Variants in OTUD6B observed in about 807,000 individuals in gnomAD.
The protein encoded by OTUD6B is OTU deubiquitinase 6B.
A neutral mutation model predicts 36.9 loss-of-function variants in OTUD6B; 41 were observed. The ratio of observed to expected loss-of-function variants is 1.11; its 90% CI spans 0.87 to 1.44. The LOEUF (loss-of-function observed/expected upper bound fraction) is 1.44, where lower values mean the gene tolerates loss of function less well. Ranked by LOEUF, OTUD6B falls within the 40% of genes most tolerant of loss-of-function variation. The pLI, the probability that OTUD6B is intolerant of heterozygous loss-of-function variation, is 0.00. For missense variants in OTUD6B, 356 were observed against 344.8 expected, an observed-to-expected ratio of 1.03 and a Z score of -0.26; for synonymous variants, 114 against 114.2, an observed-to-expected ratio of 1.00 and a Z score of 0.01.
intron 3 of OTUD6B, among the ~76,000 whole-genome samples, chr8:91,076,007 T>A (rs1472671994): frequency 6.6e-6 from 1 of 151,952 alleles, no homozygotes; most frequent in East Asian, 1.9e-4. Flanking sequence ...AGAGAAAGAG[T>A]CTAAAATAGA....
intron 5 of OTUD6B, among the ~76,000 whole-genome samples, chr8:91,083,183 CTT>C (rs1345179829): frequency 6.6e-6 from 1 of 152,016 alleles, no homozygotes; most frequent in Non-Finnish European, 1.5e-5. Flanking sequence ...ATATTCTACT[CTT>C]TGAAAATTAT....
intron 5 of OTUD6B, 132 bp from the exon 6 acceptor site, chr8:91,083,876 A>G (rs2130446391): frequency 1.1e-6 from 1 of 946,764 alleles, no homozygotes; most frequent in Non-Finnish European, 1.5e-6. Flanking sequence ...TTAAGTGCCC[A>G]GTATATACCA....
chr8:91,072,020 A>G (rs1490909379), intron 2 of OTUD6B, among the ~76,000 whole-genome samples: 1 of 152,200 alleles, frequency 6.6e-6, no homozygotes, highest in Non-Finnish European at 1.5e-5. Flanking sequence ...ACGTGAAGTC[A>G]TTTTTGTTAT....
Position 91,073,917 on chromosome 8 carries a change from A to C in OTUD6B, c.315+6A>C. 1 of 1,576,804 alleles carries C rather than the reference A, an allele frequency of 6.3e-7. No individual in the cohort carries two copies. Among genetic ancestry groups the C allele is most frequent in the South Asian group, 1.2e-5 (1 of 86,272 alleles). ...CAAAAGCACAAAAGAGACGGGTATG[A>C]AAGTCATGTCACCAAGTATATAAGT... On this transcript the variant is annotated splice_donor_region_variant and intron_variant, in intron 3 of 6. Transcript: ENST00000404789.
chr8:91,076,488 C>G lies in OTUD6B; in HGVS notation c.316-1868C>G. On this transcript the variant is annotated intron_variant, in intron 3 of 6. Transcript: ENST00000404789. ...ATGATTAGAATTAGTATTTTAGAGG[C>G]TTAAACAGTTTTGCAGATAAGATAA... is the stretch of plus-strand genomic sequence containing the variant. The G allele has an allele frequency of 2.7e-6, 4 of 1,503,946 alleles. No individual in the cohort carries two copies. The South Asian group carries it at 3.6e-5, about 14-fold the overall frequency. 93.2% of individuals were successfully genotyped at this position (1,503,946 alleles called of 1,614,324 possible).
intron 2 of OTUD6B, among the ~76,000 whole-genome samples, chr8:91,071,538 C>G (rs1441725084): frequency 6.6e-6 from 1 of 152,104 alleles, no homozygotes; most frequent in African/African-American, 2.4e-5. Flanking sequence ...TTAGTAGAGA[C>G]AGGGTTTCAC....
chr8:91,082,011 T>G (rs183156659), intron 5 of OTUD6B, among the ~76,000 whole-genome samples: 1 of 152,180 alleles, frequency 6.6e-6, no homozygotes, highest in East Asian at 1.9e-4. Context: ...GGGACACTTA[T>G]ACATTTTTTT....
intron 5 of OTUD6B, among the ~76,000 whole-genome samples, chr8:91,082,039 GAAGT>G (rs1812917418): frequency 6.6e-6 from 1 of 152,072 alleles, no homozygotes; most frequent in African/African-American, 2.4e-5. Context: ...GAATTCATTT[GAAGT>G]AAGAGTTGCA....
chr8:91,071,399 G>A, intron 2 of OTUD6B, 110 bp downstream of exon 2: 1 of 857,740 alleles, frequency 1.2e-6, no homozygotes, highest in Middle Eastern at 3.5e-4. Context: ...GTCTCGCTTT[G>A]CAAAACACGC....
At chr8:91,078,743 T>G in intron 4 of OTUD6B, 75 bp downstream of exon 4, 1 of 989,648 alleles carries the variant, frequency 1.0e-6, no homozygotes, top group Non-Finnish European at 1.5e-6. Flanking sequence ...TTCCCAGCAC[T>G]GAGCGTAAGA....
intron 3 of OTUD6B, chr8:91,076,605 A>G: frequency 1.3e-6 from 2 of 1,531,690 alleles, no homozygotes; most frequent in Middle Eastern, 1.7e-4. Context: ...CCTGGATAGA[A>G]GGAGCTCTCT....
chr8:91,070,611 C>T (rs1812669506), intron 1 of OTUD6B, 145 bp downstream of exon 1: 1 of 746,842 alleles, frequency 1.3e-6, no homozygotes, highest in African/African-American at 1.8e-5. Context: ...TCTCTCTTCA[C>T]CTACCCCGGC....
rs1172956710 is a variant in OTUD6B at position 91,076,655 on chromosome 8, T to C, written c.316-1701T>C. On this transcript the variant is annotated intron_variant, in intron 3 of 6. Transcript: ENST00000404789. ...CCCTGCTCTGCTCTTACCAGCTGTA[T>C]GGCCTTTGGAAATCTTTCTGCGTGC... is the stretch of plus-strand genomic sequence containing the variant. The C allele has an allele frequency of 7.3e-6, 11 of 1,508,680 alleles. No homozygotes were observed. In the Admixed American group the frequency reaches 1.8e-4, roughly 24 times the overall value. The allele number at this position is 1,508,680 out of a possible 1,614,324, so 93.5% of individuals were successfully genotyped here. A position where few individuals can be genotyped will look rare whatever the true frequency, so the allele number is the denominator to read the frequency against.
chr8:91,076,599 G>C (rs905166003), intron 3 of OTUD6B: 4 of 1,531,364 alleles, frequency 2.6e-6, no homozygotes, highest in Non-Finnish European at 2.6e-6. Flanking sequence ...CAGGTGCCTG[G>C]ATAGAAGGAG....
chr8:91,081,628 A>G (rs1812910153), intron 5 of OTUD6B, among the ~76,000 whole-genome samples: 2 of 152,130 alleles, frequency 1.3e-5, no homozygotes, highest in Admixed American at 6.5e-5. Flanking sequence ...GTACCTGCAT[A>G]AAAGTTTGTA....
chr8:91,083,232 T>G (rs1812942462), intron 5 of OTUD6B, among the ~76,000 whole-genome samples: 1 of 152,222 alleles, frequency 6.6e-6, no homozygotes, highest in East Asian at 1.9e-4. Context: ...TAGATTAGAA[T>G]CATCTGAAAA....
intron 3 of OTUD6B, 47 bp from the exon 4 acceptor site, chr8:91,078,309 A>G: frequency 6.7e-7 from 1 of 1,485,120 alleles, no homozygotes; most frequent in Non-Finnish European, 8.9e-7. Flanking sequence ...AATGAGAATT[A>G]GTCCAAATTA....
rs1812999659 is a variant in OTUD6B, at chr8:91,085,612, T to G, written c.*744T>G. ...TAGGTTACTGTCTTTTTAATGCATT[T>G]GTTATTCTTTCGTATTTTTTAAGCA... On this transcript the variant is annotated 3_prime_UTR_variant, in exon 7 of 7. Coordinates refer to ENST00000404789, the MANE Select transcript of OTUD6B (RefSeq NM_016023.5). 6.6e-6 allele frequency: 1 copy of G among 152,086 alleles called. No homozygotes were observed. The highest frequency in any genetic ancestry group is 1.5e-5 in the Non-Finnish European group (1 of 67,968). 9.4% of individuals were successfully genotyped at this position (152,086 alleles called of 1,614,324 possible). A position where few individuals can be genotyped will look rare whatever the true frequency, so the allele number is the denominator to read the frequency against.
At chr8:91,071,510 G>T (rs1029826559) in intron 2 of OTUD6B, among the ~76,000 whole-genome samples, 3 of 151,914 alleles carry the variant, frequency 2.0e-5, no homozygotes, top group Non-Finnish European at 4.4e-5. Flanking sequence ...CACTACGCCC[G>T]GCTAATTTTT....
Sources: gnomAD v4.1 joint callset for allele counts (sites outside exome capture counted in the v4.1 genomes callset) on GRCh38, gnomAD v4.1.1 for gene constraint, MANE v1.5 for transcripts, NCBI Gene and HGNC (gene_info 2026-07-23, HGNC 2026-07-21) for gene names.